Variants in ATXN1 observed in about 807,000 individuals in gnomAD.
ATXN1 encodes ataxin-1.
A neutral mutation model predicts 56.4 loss-of-function variants in ATXN1; 8 were observed. That is an observed-to-expected ratio of 0.14 (90% CI 0.08 to 0.26). The LOEUF (loss-of-function observed/expected upper bound fraction) is 0.26. Among genes scored for constraint, ATXN1 ranks in the 10% least tolerant of loss-of-function variants. The probability of loss-of-function intolerance (pLI) is 1.00; values close to 1 mark genes in which losing one functional copy is unlikely to be tolerated. For missense variants in ATXN1, 987 were observed against 1,106.5 expected, an observed-to-expected ratio of 0.89 and a Z score of 1.53; for synonymous variants, 514 against 494.6, an observed-to-expected ratio of 1.04 and a Z score of -0.52.
At chr6:16,514,377 C>A (rs558848311) in intron 5 of ATXN1, among the ~76,000 whole-genome samples, 1 of 152,250 alleles carries the variant, frequency 6.6e-6, no homozygotes, top group South Asian at 2.1e-4. Flanking sequence ...AGGGAGGCTG[C>A]GTCTGAGAGC....
At chr6:16,451,601 T>TC (rs1759754243) in intron 6 of ATXN1, among the ~76,000 whole-genome samples, 1 of 151,872 alleles carries the variant, frequency 6.6e-6, no homozygotes, top group Non-Finnish European at 1.5e-5. Flanking sequence ...GCTAAAAATG[T>TC]AAAATTAGCC....
At position 16,579,480 on chromosome 6, in the gene ATXN1, G is replaced by GCC. The variant is rs796374864; in HGVS notation, c.-361+6298_-361+6299dup. On this transcript the variant is annotated intron_variant, in intron 4 of 7. Coordinates refer to ENST00000436367, the MANE Select transcript of ATXN1 (RefSeq NM_001128164.2). ...AGGGTCACTGAGTACCTTGGTCAAA[G>GCC]CCCCCCCCCCCCACCCGCCGATTCA... is the stretch of plus-strand genomic sequence containing the variant. Among the ~76,000 whole-genome samples, 100 of 21,836 alleles carry GCC rather than the reference G, an allele frequency of 4.6e-3. 4 individuals are homozygous for GCC. The highest frequency in any genetic ancestry group is 0.029 in the Middle Eastern group (1 of 34). 14.3% of individuals were successfully genotyped at this position (21,836 alleles called of 152,430 possible).
At chr6:16,521,519 C>G (rs542841713) in intron 5 of ATXN1, among the ~76,000 whole-genome samples, 5 of 152,352 alleles carry the variant, frequency 3.3e-5, no homozygotes, top group Non-Finnish European at 7.3e-5. Context: ...GATCGTGCCA[C>G]TGCACTCCAG....
At chr6:16,331,656 A>T (rs556835813) in intron 6 of ATXN1, among the ~76,000 whole-genome samples, 2 of 152,374 alleles carry the variant, frequency 1.3e-5, no homozygotes, top group South Asian at 2.1e-4. Flanking sequence ...AGCCCAAGGC[A>T]GCACTAGGGA....
At chr6:16,743,822 G>A (rs660586) in intron 2 of ATXN1, among the ~76,000 whole-genome samples, 83,942 of 151,530 alleles carry the variant, frequency 0.55, 23,434 homozygotes, top group African/African-American at 0.61. Flanking sequence ...AAAGGCTGGA[G>A]CAAAAAACAG....
At chr6:16,425,110 A>G (rs1011480122) in intron 6 of ATXN1, among the ~76,000 whole-genome samples, 1 of 152,138 alleles carries the variant, frequency 6.6e-6, no homozygotes, top group African/African-American at 2.4e-5. Flanking sequence ...CAAACACTAG[A>G]TCTCTTAGTT....
At chr6:16,354,948 T>C (rs1761654940) in intron 6 of ATXN1, among the ~76,000 whole-genome samples, 1 of 152,258 alleles carries the variant, frequency 6.6e-6, no homozygotes, top group Non-Finnish European at 1.5e-5. Flanking sequence ...CCAGAGGCCC[T>C]GACAGCTGCA....
chr6:16,316,576 C>T (rs989711257), intron 7 of ATXN1, among the ~76,000 whole-genome samples: 10 of 151,478 alleles, frequency 6.6e-5, no homozygotes, highest in African/African-American at 2.4e-4. Flanking sequence ...GAAACCCTGT[C>T]TCTACTAAAA....
At chr6:16,730,240 T>C (rs1759938690) in intron 2 of ATXN1, among the ~76,000 whole-genome samples, 3 of 151,954 alleles carry the variant, frequency 2.0e-5, no homozygotes, top group Admixed American at 1.3e-4. Flanking sequence ...GATTGTGCCA[T>C]TGCACCCCAG....
chr6:16,449,073 A>G (rs10484363), intron 6 of ATXN1, among the ~76,000 whole-genome samples: 40,927 of 109,336 alleles, frequency 0.37, 4,607 homozygotes, highest in Middle Eastern at 0.42. Context: ...AGATCTCAAA[A>G]TAAAGGTATC....
chr6:16,567,195 G>T (rs892003806), intron 4 of ATXN1, among the ~76,000 whole-genome samples: 6 of 152,220 alleles, frequency 3.9e-5, no homozygotes, highest in Non-Finnish European at 1.5e-5. Flanking sequence ...AATCTGGGGG[G>T]ATATGACTGC....
chr6:16,390,481 C>T (rs969618164), intron 6 of ATXN1, among the ~76,000 whole-genome samples: 1 of 152,038 alleles, frequency 6.6e-6, no homozygotes, highest in Non-Finnish European at 1.5e-5. Flanking sequence ...TGAACAGTGG[C>T]CTTCTCTCTA....
intron 6 of ATXN1, among the ~76,000 whole-genome samples, chr6:16,437,284 T>G (rs1759413376): frequency 6.6e-6 from 1 of 152,238 alleles, no homozygotes; most frequent in Admixed American, 6.5e-5. Flanking sequence ...CCACTTGTGA[T>G]TAGGCTGTAT....
chr6:16,698,650 TAAAAAA>T (rs11311429), intron 2 of ATXN1, among the ~76,000 whole-genome samples: 2 of 135,346 alleles, frequency 1.5e-5, no homozygotes, highest in East Asian at 2.2e-4. Context: ...CCTCAAAAAT[TAAAAAA>T]AAAAAAAAAA....
At chr6:16,456,154 T>G (rs937930525) in intron 6 of ATXN1, among the ~76,000 whole-genome samples, 1 of 152,162 alleles carries the variant, frequency 6.6e-6, no homozygotes, top group Non-Finnish European at 1.5e-5. Flanking sequence ...GTCTGTGCCA[T>G]CTTTAAGAGC....
chr6:16,411,689 C>A (rs1023241280), intron 6 of ATXN1, among the ~76,000 whole-genome samples: 3 of 152,132 alleles, frequency 2.0e-5, no homozygotes, highest in African/African-American at 7.2e-5. Context: ...CCATAGCTGG[C>A]CTGGGGGAGA....
intron 5 of ATXN1, among the ~76,000 whole-genome samples, chr6:16,499,852 C>T (rs1176160265): frequency 1.3e-5 from 2 of 152,128 alleles, no homozygotes; most frequent in African/African-American, 2.4e-5. Context: ...ACTTTTAAAT[C>T]CCCCTAAAGC....
chr6:16,338,264 C>A (rs182858061), intron 6 of ATXN1, among the ~76,000 whole-genome samples: 4 of 152,032 alleles, frequency 2.6e-5, no homozygotes, highest in Admixed American at 2.0e-4. Context: ...GAGGCTGAGG[C>A]GGGCGGATTG....
chr6:16,460,775 G>C (rs1759976825), intron 6 of ATXN1, among the ~76,000 whole-genome samples: 1 of 152,212 alleles, frequency 6.6e-6, no homozygotes, highest in East Asian at 1.9e-4. Context: ...ATGAAGGGCA[G>C]GTTATGCCAT....
Sources: allele counts gnomAD v4.1 joint callset (sites outside exome capture counted in the v4.1 genomes callset), GRCh38; gene constraint gnomAD v4.1.1; transcripts MANE v1.5; gene names NCBI Gene and HGNC (gene_info 2026-07-23, HGNC 2026-07-21).